The following KIAA0930 variants were observed in gnomAD, a reference collection of about 807,000 sequenced individuals.
KIAA0930 encodes the protein uncharacterized protein KIAA0930.
KIAA0930 carries 24 observed loss-of-function variants against 43.9 expected under a neutral mutation model. That is an observed-to-expected ratio of 0.55 (90% CI 0.40 to 0.77). The LOEUF (loss-of-function observed/expected upper bound fraction) is 0.77. Among genes scored for constraint, KIAA0930 ranks in the 30% least tolerant of loss-of-function variants. The pLI, the probability that KIAA0930 is intolerant of heterozygous loss-of-function variation, is 0.00. For missense variants in KIAA0930, 461 were observed against 574.2 expected, an observed-to-expected ratio of 0.80 and a Z score of 2.02; for synonymous variants, 259 against 216.4, an observed-to-expected ratio of 1.20 and a Z score of -1.73.
chr22:45,194,110 C>T lies in KIAA0930; in HGVS notation c.*3066G>A, dbSNP rs567571812. The T allele has an allele frequency of 1.8e-5, 2 of 110,532 alleles. No individual in the cohort carries two copies. Among genetic ancestry groups the T allele is most frequent in the African/African-American group, 3.5e-5 (1 of 28,290 alleles). The allele number at this position is 110,532 out of a possible 1,614,324, so 6.8% of individuals were successfully genotyped here. On this transcript the variant is annotated 3_prime_UTR_variant, in exon 10 of 10. Coordinates refer to ENST00000336156, the MANE Select transcript of KIAA0930 (RefSeq NM_001009880.2). ...TTTTTTTGAGACAGAGTTTCGCTCT[C>T]GTTGCCCAGGCTAGAATGCAATGGC... is the stretch of plus-strand genomic sequence containing the variant.
In KIAA0930 at chr22:45,213,502, C is replaced by T. The variant is rs755252950; in HGVS notation, c.65-1395G>A. On this transcript the variant is annotated intron_variant, in intron 1 of 9. Transcript: ENST00000336156. ...TCACAGGACCCGGGGGAACGAAACA[C>T]GCGTGCTGTCTGCAGAGTCGCTTTG... The T allele has an allele frequency of 6.7e-5, 80 of 1,187,502 alleles. No individual in the cohort carries two copies. In the East Asian group the frequency reaches 7.4e-4, roughly 11 times the overall value. The allele number at this position is 1,187,502 out of a possible 1,614,324, so 73.6% of individuals were successfully genotyped here.
Position 45,212,417 on chromosome 22 carries a change from C to T in KIAA0930, c.65-310G>A, listed in dbSNP as rs138892984. The stretch of plus-strand genomic sequence containing the variant: ...CAGCTTCGGAGGAAAAGGAAAATCC[C>T]GAGGAGCCAGGAACGCCACTGGCTG... On this transcript the variant is annotated intron_variant, in intron 1 of 9. Transcript: ENST00000336156. 1.6e-3 allele frequency: 2,401 copies of T among 1,539,144 alleles called. 26 individuals carry two copies. In the African/African-American group the frequency reaches 0.028, roughly 18 times the overall value.
In KIAA0930 at chr22:45,212,090, G is replaced by A. The variant is rs1325271672; in HGVS notation, c.82C>T (p.Arg28Cys). 18 of 1,613,618 alleles carry A rather than the reference G, an allele frequency of 1.1e-5. No homozygotes were observed. The highest frequency in any genetic ancestry group is 2.2e-5 in the South Asian group (2 of 91,072). The part of the protein sequence containing the change: ...VCGLGCFKDD[R>C]IVFWTWMFST... ...AACATCCAAGTCCAGAAGACGATGC[G>A]GTCATCCTTGAAGCACCCTGCAGAG... Residue 28 changes from arginine (R) to cysteine (C), a missense_variant, in exon 2 of 10, where the codon CGC becomes TGC. By Grantham distance (180) the Arg-to-Cys change is radical. Transcript: ENST00000336156.
Position 45,197,809 on chromosome 22 carries a change from C to T in KIAA0930, c.1155G>A (p.Pro385=), listed in dbSNP as rs199962330. The T allele has an allele frequency of 1.0e-4, 164 of 1,614,156 alleles. No homozygotes were observed. In the Middle Eastern group the frequency reaches 2.6e-3, roughly 26 times the overall value. Residue 385 remains proline, a synonymous_variant, in exon 9 of 10, where the codon CCG becomes CCA. Coordinates refer to ENST00000336156, the MANE Select transcript of KIAA0930 (RefSeq NM_001009880.2). ...CATTACCTGTTAAAATCCGATGCAG[C>T]GGCAACGTGACGTAGGTTAAGTGTG... ...LYAHLTYVTL[P]LHRILTDILE...
Position 45,193,867 on chromosome 22 carries a change from CCTATCA to C in KIAA0930, c.*3303_*3308del, listed in dbSNP as rs1214413775. On this transcript the variant is annotated 3_prime_UTR_variant, in exon 10 of 10. Transcript: ENST00000336156. The stretch of plus-strand genomic sequence containing the variant: ...GAAGAAAGGGTATAAACGGAGACCA[CCTATCA>C]CTCATCAGAACCTAGGATCATCACA... 3 of 152,044 alleles carry C rather than the reference CCTATCA, an allele frequency of 2.0e-5. No homozygotes were observed. Among genetic ancestry groups the C allele is most frequent in the African/African-American group, 7.3e-5 (3 of 41,372 alleles). 9.4% of individuals were successfully genotyped at this position (152,044 alleles called of 1,614,324 possible).
rs73890229 is a variant in KIAA0930, at chr22:45,197,260, C to T, written c.1175-44G>A. 1,116 of 1,529,408 alleles carry T rather than the reference C, an allele frequency of 7.3e-4. 7 individuals carry two copies. In the African/African-American group the frequency reaches 0.014, roughly 20 times the overall value. 94.7% of individuals were successfully genotyped at this position (1,529,408 alleles called of 1,614,324 possible). On this transcript the variant is annotated intron_variant, in intron 9 of 9. Coordinates refer to ENST00000336156, the MANE Select transcript of KIAA0930 (RefSeq NM_001009880.2). ...AAGCAGGTGAAACAGTAACCCTCAA[C>T]AGCGGTGAGTGCTATGGTCACGGCA...
intron 2 of KIAA0930, among the ~76,000 whole-genome samples, chr22:45,209,582 G>T (rs2004307): frequency 6.6e-6 from 1 of 151,998 alleles, no homozygotes; most frequent in Non-Finnish European, 1.5e-5. Context: ...CCTACAACCC[G>T]CCCGCCAGAT....
At chr22:45,216,357 G>A (rs2083732521) in intron 1 of KIAA0930, among the ~76,000 whole-genome samples, 1 of 151,988 alleles carries the variant, frequency 6.6e-6, no homozygotes, top group Admixed American at 6.5e-5. Context: ...TTGGCTGAAA[G>A]TGAAAGTGCT....
rs112896727 is a variant in KIAA0930, at chr22:45,226,131, C to T, written c.65-14024G>A. 1,165 of 411,654 alleles carry T rather than the reference C, an allele frequency of 2.8e-3. 8 individuals are homozygous for T. Among genetic ancestry groups the T allele is most frequent in the African/African-American group, 0.019 (937 of 48,808 alleles). 25.5% of individuals were successfully genotyped at this position (411,654 alleles called of 1,614,324 possible). The stretch of plus-strand genomic sequence containing the variant: ...CTGTCCTCGGTGCGTTCAGAGAGCA[C>T]GCGGCAGCCTCTCCACTCACCCTCA... On this transcript the variant is annotated intron_variant, in intron 1 of 9. Transcript: ENST00000336156.
chr22:45,225,093 CTT>C (rs747821740), intron 1 of KIAA0930, among the ~76,000 whole-genome samples: 4 of 152,158 alleles, frequency 2.6e-5, no homozygotes, highest in African/African-American at 7.2e-5. Context: ...CAACTGGACT[CTT>C]TGGGGAGAGT....
intron 1 of KIAA0930, among the ~76,000 whole-genome samples, chr22:45,228,049 G>A (rs2083813824): frequency 6.6e-6 from 1 of 152,218 alleles, no homozygotes; most frequent in African/African-American, 2.4e-5. Flanking sequence ...TGGCAGGAGG[G>A]ACCTGCAGAT....
At chr22:45,205,597 T>C (rs1199620705) in intron 4 of KIAA0930, 33 bp downstream of exon 4, 1 of 1,599,988 alleles carries the variant, frequency 6.3e-7, no homozygotes, top group South Asian at 1.1e-5. Context: ...AACTGGCAGT[T>C]AGGAGGCTGG....
At chr22:45,218,848 G>A (rs1051784262) in intron 1 of KIAA0930, among the ~76,000 whole-genome samples, 9 of 152,272 alleles carry the variant, frequency 5.9e-5, no homozygotes, top group Non-Finnish European at 1.0e-4. Flanking sequence ...AGTCCCCAGC[G>A]GGGTGGGCTC....
At chr22:45,221,576 A>G (rs2083767872) in intron 1 of KIAA0930, among the ~76,000 whole-genome samples, 1 of 150,484 alleles carries the variant, frequency 6.6e-6, no homozygotes. Flanking sequence ...TAGTTTCCAG[A>G]ATGGCATATA....
At position 45,224,373 on chromosome 22, in the gene KIAA0930, G is replaced by A. The variant is rs377186520; in HGVS notation, c.65-12266C>T. Among the ~76,000 whole-genome samples the A allele has an allele frequency of 3.3e-4, 51 of 152,324 alleles. No individual in the cohort carries two copies. In the South Asian group the frequency reaches 4.4e-3, roughly 13 times the overall value. ...TCGTCCTGTTTTACAAATACTCTGC[G>A]GCATGTTTACAAATACACCCAGGGC... is the stretch of plus-strand genomic sequence containing the variant. On this transcript the variant is annotated intron_variant, in intron 1 of 9. Coordinates refer to ENST00000336156, the MANE Select transcript of KIAA0930 (RefSeq NM_001009880.2).
intron 1 of KIAA0930, among the ~76,000 whole-genome samples, chr22:45,212,995 G>C (rs926823017): frequency 6.6e-6 from 1 of 152,170 alleles, no homozygotes; most frequent in Non-Finnish European, 1.5e-5. Flanking sequence ...ATTAAACCGG[G>C]TCTGCTTTTG....
At chr22:45,214,432 C>T (rs1315871520) in intron 1 of KIAA0930, among the ~76,000 whole-genome samples, 1 of 152,186 alleles carries the variant, frequency 6.6e-6, no homozygotes, top group Non-Finnish European at 1.5e-5. Flanking sequence ...GTGGATAAAC[C>T]TCAAACTTGT....
intron 8 of KIAA0930, among the ~76,000 whole-genome samples, chr22:45,198,960 C>T (rs909968212): frequency 1.3e-5 from 2 of 152,224 alleles, no homozygotes; most frequent in African/African-American, 4.8e-5. Flanking sequence ...CAATCCTTCA[C>T]TTCCATACAC....
At chr22:45,223,849 G>A (rs185057035) in intron 1 of KIAA0930, among the ~76,000 whole-genome samples, 86 of 83,888 alleles carry the variant, frequency 1.0e-3, no homozygotes, top group Non-Finnish European at 1.7e-3. Context: ...AGCACCAGAT[G>A]AGCACCCAGG....
Sources: gnomAD v4.1 joint callset for allele counts (sites outside exome capture counted in the v4.1 genomes callset) on GRCh38, gnomAD v4.1.1 for gene constraint, MANE v1.5 for transcripts, NCBI Gene and HGNC (gene_info 2026-07-23, HGNC 2026-07-21) for gene names.